Variants in GADL1 observed in about 807,000 individuals in gnomAD.
GADL1 encodes GAD like acidic amino acid decarboxylase 1, also known as acidic amino acid decarboxylase GADL1.
Under a neutral mutation model 69.5 loss-of-function variants are expected in GADL1, and 71 were observed. That is an observed-to-expected ratio of 1.02 (90% CI 0.84 to 1.25). The LOEUF (loss-of-function observed/expected upper bound fraction) is 1.25, where lower values mean the gene tolerates loss of function less well. Among genes scored for constraint, GADL1 ranks in the 50% most tolerant of loss-of-function variants. The pLI is 0.00. For missense variants in GADL1, 737 were observed against 631.8 expected, an observed-to-expected ratio of 1.17 and a Z score of -1.79; for synonymous variants, 254 against 214.4, an observed-to-expected ratio of 1.18 and a Z score of -1.62.
At chr3:30,844,014 G>A (rs1422084770) in intron 8 of GADL1, among the ~76,000 whole-genome samples, 196 bp downstream of exon 8, 1 of 152,238 alleles carries the variant, frequency 6.6e-6, no homozygotes, top group Non-Finnish European at 1.5e-5. Context: ...AACATGGAGA[G>A]CCAAGCACTT....
Position 30,800,982 on chromosome 3 carries a change from C to T in GADL1, c.1157G>A (p.Arg386Lys), listed in dbSNP as rs1697151425. The change falls in exon 12 of 15, where the codon AGA (arginine) becomes AAA (lysine). Residue 386 changes from arginine to lysine, a missense_variant. Transcript: ENST00000282538. ...DTGDKSIQCSRRPDAFKFWMT... is the reference protein window; with the variant it reads ...DTGDKSIQCSKRPDAFKFWMT... Reference sequence around the variant, plus strand: ...CCAGAACTTGAATGCATCTGGTCTTCTGCTACACTGGATAGACTTGTCTCC... The same window carrying T: ...CCAGAACTTGAATGCATCTGGTCTTTTGCTACACTGGATAGACTTGTCTCC... 1 of 1,614,000 alleles carries T rather than the reference C, an allele frequency of 6.2e-7. No homozygotes were observed. Among genetic ancestry groups the T allele is most frequent in the East Asian group, 2.2e-5 (1 of 44,858 alleles).
chr3:30,831,496 T>G (rs1216184008), intron 11 of GADL1, among the ~76,000 whole-genome samples: 2 of 151,974 alleles, frequency 1.3e-5, no homozygotes, highest in Non-Finnish European at 2.9e-5. Flanking sequence ...ACATTTAATT[T>G]TAACCACTTG....
At chr3:30,732,173 G>A (rs1695468318) in intron 14 of GADL1, among the ~76,000 whole-genome samples, 3 of 152,150 alleles carry the variant, frequency 2.0e-5, no homozygotes, top group Admixed American at 2.0e-4. Flanking sequence ...TCACAGCAGA[G>A]ACAGTCCTAA....
chr3:30,886,689 G>A lies in GADL1; in HGVS notation c.37+7889C>T, dbSNP rs185601623. On this transcript the variant is annotated intron_variant, in intron 1 of 14. Coordinates refer to ENST00000282538, the MANE Select transcript of GADL1 (RefSeq NM_207359.3). ...GTAACTGTTTGCTCACCACAACTGC[G>A]TTATACAGAGAAGACTAGACAATTC... 2.1e-3 allele frequency among the ~76,000 whole-genome samples: 320 copies of A among 152,268 alleles called. 2 individuals are homozygous for A. The highest frequency in any genetic ancestry group is 3.7e-3 in the Non-Finnish European group (249 of 68,008).
intron 14 of GADL1, among the ~76,000 whole-genome samples, chr3:30,730,816 C>T (rs1211463067): frequency 6.6e-6 from 1 of 152,130 alleles, no homozygotes; most frequent in Non-Finnish European, 1.5e-5. Flanking sequence ...GAGGGCTTCT[C>T]GTGCATATGT....
intron 11 of GADL1, among the ~76,000 whole-genome samples, chr3:30,816,629 T>A (rs1448146790): frequency 7.6e-6 from 1 of 131,258 alleles, no homozygotes; most frequent in East Asian, 2.5e-4. Flanking sequence ...CACTGCAACC[T>A]CCGCCTCCCA....
chr3:30,770,189 G>A (rs958092143), intron 14 of GADL1, among the ~76,000 whole-genome samples: 6 of 152,228 alleles, frequency 3.9e-5, no homozygotes, highest in African/African-American at 1.4e-4. Flanking sequence ...TCTCATTTAT[G>A]CTACTTGTCT....
intron 11 of GADL1, among the ~76,000 whole-genome samples, chr3:30,823,565 G>T (rs1488460897): frequency 6.6e-6 from 1 of 151,770 alleles, no homozygotes; most frequent in Non-Finnish European, 1.5e-5. Flanking sequence ...ATCAATTCAG[G>T]TCTCAAATTA....
intron 1 of GADL1, among the ~76,000 whole-genome samples, chr3:30,884,203 A>G (rs766606175): frequency 6.6e-6 from 1 of 152,070 alleles, no homozygotes; most frequent in Admixed American, 6.6e-5. Flanking sequence ...CACAGATCAG[A>G]CAACATTAAG....
chr3:30,830,279 C>T (rs907826991), intron 11 of GADL1, among the ~76,000 whole-genome samples: 2 of 151,940 alleles, frequency 1.3e-5, no homozygotes, highest in Non-Finnish European at 2.9e-5. Context: ...TATGACCATA[C>T]TTCTGCATGA....
At position 30,778,222 on chromosome 3, in the gene GADL1, C is replaced by T. The variant is rs376214137; in HGVS notation, c.1349G>A (p.Arg450Lys). The T allele has an allele frequency of 6.2e-7, 1 of 1,612,790 alleles. No homozygotes were observed. Among genetic ancestry groups the T allele is most frequent in the African/African-American group, 1.3e-5 (1 of 74,850 alleles). The change falls in exon 14 of 15, where the codon AGA becomes AAA. Residue 450 changes from arginine (R) to lysine (K), a missense_variant. Arg to Lys is a conservative substitution (Grantham distance 26). Coordinates refer to ENST00000282538, the MANE Select transcript of GADL1 (RefSeq NM_207359.3). ...GAACTCGGGTCCTTCTTCCATCTCT[C>T]TGAGGCTCGGTGGAATGTACCAAAA... ...ICFWYIPPSL[R>K]EMEEGPEFWA...
rs574910897 is a variant in GADL1 at position 30,813,133 on chromosome 3, A to C, written c.1051-12045T>G. ...GCATAGTATAGCAAAGGCATTCAGTAGTCATTTGCTCCTTCTGAACTTCAG... is the reference window on the plus strand; with the variant it reads ...GCATAGTATAGCAAAGGCATTCAGTCGTCATTTGCTCCTTCTGAACTTCAG... On this transcript the variant is annotated intron_variant, in intron 11 of 14. Coordinates refer to ENST00000282538, the MANE Select transcript of GADL1 (RefSeq NM_207359.3). Among the ~76,000 whole-genome samples, 7 of 152,152 alleles carry C rather than the reference A, an allele frequency of 4.6e-5. No individual in the cohort carries two copies. In the South Asian group the frequency reaches 1.0e-3, roughly 23 times the overall value.
chr3:30,794,081 G>A (rs1288037187), intron 12 of GADL1, among the ~76,000 whole-genome samples: 1 of 152,168 alleles, frequency 6.6e-6, no homozygotes, highest in East Asian at 1.9e-4. Context: ...TCCAGACTCT[G>A]TACCTCCCAT....
intron 11 of GADL1, among the ~76,000 whole-genome samples, chr3:30,813,648 C>T (rs868664042): frequency 2.0e-5 from 3 of 152,190 alleles, no homozygotes; most frequent in Non-Finnish European, 4.4e-5. Flanking sequence ...GCCTCTGAGG[C>T]CTGGAGTATA....
intron 12 of GADL1, among the ~76,000 whole-genome samples, chr3:30,788,216 A>C (rs543119096): frequency 6.6e-6 from 1 of 152,192 alleles, no homozygotes; most frequent in African/African-American, 2.4e-5. Flanking sequence ...AATCAGTAAT[A>C]ATCAAAGAAG....
intron 14 of GADL1, among the ~76,000 whole-genome samples, 178 bp downstream of exon 14, chr3:30,778,001 T>C (rs1382940016): frequency 2.6e-5 from 4 of 152,178 alleles, no homozygotes; most frequent in Non-Finnish European, 5.9e-5. Flanking sequence ...ACCATGTTAA[T>C]TTGTTAAATG....
rs991708390 is a variant in GADL1 at position 30,792,461 on chromosome 3, T to C, written c.1251-6055A>G. Among the ~76,000 whole-genome samples the C allele has an allele frequency of 3.3e-5, 5 of 152,100 alleles. 1 individual carries two copies. Among genetic ancestry groups the C allele is most frequent in the African/African-American group, 1.2e-4 (5 of 41,434 alleles). On this transcript the variant is annotated intron_variant, in intron 12 of 14. Transcript: ENST00000282538. ...AGAAGTGTACATCCGTGGTCCCAGC[T>C]ACTCAGGAGGCTGAGGTAGGAAGGA...
At chr3:30,891,046 T>TTCCA (rs1698779458) in intron 1 of GADL1, among the ~76,000 whole-genome samples, 1 of 151,782 alleles carries the variant, frequency 6.6e-6, no homozygotes, top group Non-Finnish European at 1.5e-5. Flanking sequence ...CCTTCCTTCC[T>TTCCA]TCCTTCCTTC....
chr3:30,776,821 TC>T (rs1033792291), intron 14 of GADL1, among the ~76,000 whole-genome samples: 2 of 152,152 alleles, frequency 1.3e-5, no homozygotes, highest in African/African-American at 4.8e-5. Context: ...TCTTCTCACC[TC>T]CCATCACTGC....
Sources: allele counts gnomAD v4.1 joint callset (sites outside exome capture counted in the v4.1 genomes callset), GRCh38; gene constraint gnomAD v4.1.1; transcripts MANE v1.5; gene names NCBI Gene and HGNC (gene_info 2026-07-23, HGNC 2026-07-21).